The following OPCML variants were observed in gnomAD, a reference collection of about 807,000 sequenced individuals.
OPCML encodes the protein opioid binding protein/cell adhesion molecule like, also known as opioid-binding protein/cell adhesion molecule.
Under a neutral mutation model 37.8 loss-of-function variants are expected in OPCML, and 13 were observed. That is an observed-to-expected ratio of 0.34 (90% CI 0.22 to 0.55). The LOEUF (loss-of-function observed/expected upper bound fraction) is 0.55, where lower values mean the gene tolerates loss of function less well. Ranked by LOEUF, OPCML falls within the 20% of genes least tolerant of loss-of-function variation. OPCML has a pLI of 0.91. For synonymous variants in OPCML, 176 were observed against 168.8 expected, an observed-to-expected ratio of 1.04 and a Z score of -0.33; for missense variants, 341 against 435.6, an observed-to-expected ratio of 0.78 and a Z score of 1.93.
intron 1 of OPCML, among the ~76,000 whole-genome samples, chr11:132,976,973 G>C (rs1946478261): frequency 6.6e-6 from 1 of 152,244 alleles, no homozygotes; most frequent in African/African-American, 2.4e-5. Context: ...TTAACGCATA[G>C]CAGAAAGCAC....
chr11:133,349,294 T>G (rs1944074938), intron 1 of OPCML, among the ~76,000 whole-genome samples: 1 of 152,216 alleles, frequency 6.6e-6, no homozygotes, highest in Non-Finnish European at 1.5e-5. Context: ...GATCTATACA[T>G]TTATAGACTT....
chr11:133,374,969 T>A (rs900263481), intron 1 of OPCML, among the ~76,000 whole-genome samples: 1 of 152,222 alleles, frequency 6.6e-6, no homozygotes, highest in African/African-American at 2.4e-5. Flanking sequence ...CTAATTATAA[T>A]CTGACTAAGG....
intron 4 of OPCML, among the ~76,000 whole-genome samples, chr11:132,525,580 A>G (rs1042872704): frequency 7.9e-5 from 12 of 152,362 alleles, no homozygotes; most frequent in Non-Finnish European, 1.6e-4. Context: ...ATGTACTTCT[A>G]ATCTTTTAGA....
intron 2 of OPCML, among the ~76,000 whole-genome samples, chr11:132,883,260 G>A (rs1943282923): frequency 6.7e-6 from 1 of 149,554 alleles, no homozygotes; most frequent in African/African-American, 2.5e-5. Flanking sequence ...TGGGGGTCAT[G>A]TATGCCTACT....
intron 1 of OPCML, among the ~76,000 whole-genome samples, chr11:133,509,596 A>G (rs1948110308): frequency 6.6e-6 from 1 of 152,064 alleles, no homozygotes; most frequent in South Asian, 2.1e-4. Flanking sequence ...CACACTTCCT[A>G]TGACAACTCT....
intron 1 of OPCML, among the ~76,000 whole-genome samples, chr11:133,117,322 T>C (rs1003621826): frequency 2.0e-5 from 3 of 152,150 alleles, no homozygotes; most frequent in African/African-American, 4.8e-5. Context: ...CTTCTTTTCT[T>C]CCTCATTTAT....
intron 2 of OPCML, among the ~76,000 whole-genome samples, chr11:132,687,429 T>TATATATA: frequency 2.2e-5 from 2 of 91,862 alleles, no homozygotes; most frequent in African/African-American, 4.4e-5. Context: ...TATATATATA[T>TATATATA]TTAATCTGTA....
chr11:133,490,593 G>T (rs1288210732), intron 1 of OPCML, among the ~76,000 whole-genome samples: 1 of 152,166 alleles, frequency 6.6e-6, no homozygotes, highest in Non-Finnish European at 1.5e-5. Flanking sequence ...CAACATGGAA[G>T]CCCGGGTCAG....
intron 1 of OPCML, among the ~76,000 whole-genome samples, chr11:133,180,720 T>C (rs1475037670): frequency 1.3e-5 from 2 of 151,782 alleles, no homozygotes; most frequent in Non-Finnish European, 2.9e-5. Context: ...ATGACATCGC[T>C]CGCCCTCATT....
chr11:133,193,140 A>T (rs187363378), intron 1 of OPCML, among the ~76,000 whole-genome samples: 40 of 152,204 alleles, frequency 2.6e-4, no homozygotes, highest in Admixed American at 2.5e-3. Context: ...ATGCCTCTAA[A>T]CTGTGCATGA....
chr11:133,523,019 A>T (rs567716243), intron 1 of OPCML, among the ~76,000 whole-genome samples: 1 of 152,264 alleles, frequency 6.6e-6, no homozygotes, highest in East Asian at 1.9e-4. Flanking sequence ...ACAAGCTACT[A>T]TGGCGTCCAA....
intron 1 of OPCML, chr11:133,300,569 G>A (rs955002820): frequency 1.3e-5 from 2 of 152,218 alleles, no homozygotes; most frequent in Non-Finnish European, 2.9e-5. Context: ...ACTTCCTGAT[G>A]AGGTGTCTAA....
intron 1 of OPCML, among the ~76,000 whole-genome samples, chr11:133,167,840 T>C (rs1216565698): frequency 1.3e-5 from 2 of 152,168 alleles, no homozygotes; most frequent in Non-Finnish European, 2.9e-5. Context: ...ACCCACCCAG[T>C]CACCCAACCA....
rs936675231 is a variant in OPCML, at chr11:133,292,077, C to T, written c.61+240187G>A. Among the ~76,000 whole-genome samples the T allele has an allele frequency of 2.2e-4, 34 of 152,294 alleles. No homozygotes were observed. In the Middle Eastern group the frequency reaches 0.017, roughly 76 times the overall value. On this transcript the variant is annotated intron_variant, in intron 1 of 7. Transcript: ENST00000524381. ...CAGAAGCTATAAAAATATCATCTAT[C>T]CCAAACAAGCTTCATAATCAAACAA...
chr11:132,785,831 T>G (rs1363241521), intron 2 of OPCML, among the ~76,000 whole-genome samples: 1 of 152,210 alleles, frequency 6.6e-6, no homozygotes, highest in Non-Finnish European at 1.5e-5. Context: ...GAGGGAGACC[T>G]CAGATCTAAA....
intron 2 of OPCML, among the ~76,000 whole-genome samples, chr11:132,850,007 C>A (rs1278041404): frequency 1.3e-5 from 2 of 152,158 alleles, no homozygotes; most frequent in Non-Finnish European, 2.9e-5. Flanking sequence ...AGAAATTTCC[C>A]TAAATACTGT....
intron 1 of OPCML, among the ~76,000 whole-genome samples, chr11:133,344,419 A>G (rs1943950091): frequency 6.6e-6 from 1 of 152,174 alleles, no homozygotes; most frequent in African/African-American, 2.4e-5. Context: ...TCTCTGACAC[A>G]CTGAACATTT....
intron 3 of OPCML, among the ~76,000 whole-genome samples, chr11:132,561,816 A>G (rs558324446): frequency 5.3e-5 from 8 of 152,326 alleles, no homozygotes; most frequent in African/African-American, 1.4e-4. Flanking sequence ...GCAACCAAAT[A>G]CATGTGTTGA....
At chr11:133,378,646 C>T (rs1427126435) in intron 1 of OPCML, among the ~76,000 whole-genome samples, 3 of 152,018 alleles carry the variant, frequency 2.0e-5, no homozygotes, top group Admixed American at 6.6e-5. Context: ...TTGCTGCATG[C>T]GAATTTCTTT....
Sources: allele counts gnomAD v4.1 joint callset (sites outside exome capture counted in the v4.1 genomes callset), GRCh38; gene constraint gnomAD v4.1.1; transcripts MANE v1.5; gene names NCBI Gene and HGNC (gene_info 2026-07-23, HGNC 2026-07-21).